The following CERKL variants were observed in gnomAD, a reference collection of about 807,000 sequenced individuals.
CERKL encodes ceramide kinase-like protein.
A neutral mutation model predicts 63.4 loss-of-function variants in CERKL; 61 were observed. The ratio of observed to expected loss-of-function variants is 0.96; its 90% CI spans 0.78 to 1.19. The LOEUF (loss-of-function observed/expected upper bound fraction) is 1.19. Among genes scored for constraint, CERKL ranks in the 50% most tolerant of loss-of-function variants. The pLI, the probability that CERKL is intolerant of heterozygous loss-of-function variation, is 0.00. For synonymous variants in CERKL, 250 were observed against 230.5 expected (o/e 1.08, Z -0.77); for missense variants, 675 against 655.5 (o/e 1.03, Z -0.33).
chr2:181,604,054 A>G lies in CERKL; in HGVS notation c.264T>C (p.Cys88=), dbSNP rs765835624. ...PAGDSKYDLL[C]KEEFIELKDI... Reference sequence around the variant, plus strand: ...CTTTGAGTTCAATAAATTCTTCTTTACATAGCAAGTCATACTTAGAATCAC... The same window carrying G: ...CTTTGAGTTCAATAAATTCTTCTTTGCATAGCAAGTCATACTTAGAATCAC... The change falls in exon 2 of 13, where the codon TGT becomes TGC. Residue 88 remains cysteine (C), a synonymous_variant. Coordinates refer to ENST00000410087, the MANE Select transcript of CERKL (RefSeq NM_201548.5). 34 of 1,603,794 alleles carry G rather than the reference A, an allele frequency of 2.1e-5. No homozygotes were observed. Among genetic ancestry groups the G allele is most frequent in the Non-Finnish European group, 2.9e-5 (34 of 1,171,616 alleles).
rs549225035 is a variant in CERKL at position 181,603,853 on chromosome 2, G to A, written c.465C>T (p.Phe155=). The A allele has an allele frequency of 1.9e-6, 3 of 1,613,160 alleles. No homozygotes were observed. In the South Asian group the frequency reaches 3.3e-5, roughly 18 times the overall value. ...AGTACTTACCTGCCAATATTTTCTT[G>A]AACTGTCTAAACCATATGTCACAGT... ...EDHCDIWFRQ[F]KKILAGFPNR... The change falls in exon 2 of 13, where the codon TTC becomes TTT. Residue 155 remains phenylalanine (F), a synonymous_variant. Transcript: ENST00000410087.
intron 1 of CERKL, among the ~76,000 whole-genome samples, chr2:181,640,826 G>A (rs1687388374): frequency 6.6e-6 from 1 of 152,124 alleles, no homozygotes; most frequent in Non-Finnish European, 1.5e-5. Context: ...AATGACCTTG[G>A]TCCAGTCTAT....
intron 3 of CERKL, among the ~76,000 whole-genome samples, chr2:181,569,797 C>A (rs1688823853): frequency 6.6e-6 from 1 of 152,090 alleles, no homozygotes; most frequent in South Asian, 2.1e-4. Flanking sequence ...TCAATGACTC[C>A]TATACAATAG....
intron 5 of CERKL, among the ~76,000 whole-genome samples, chr2:181,554,300 A>C (rs1688112808): frequency 6.6e-6 from 1 of 152,140 alleles, no homozygotes; most frequent in Non-Finnish European, 1.5e-5. Context: ...ATGTGATGTA[A>C]TGACTTCCTA....
chr2:181,628,327 C>G (rs1255125125), intron 1 of CERKL, among the ~76,000 whole-genome samples: 1 of 152,094 alleles, frequency 6.6e-6, no homozygotes, highest in Non-Finnish European at 1.5e-5. Context: ...CGTACTTTAC[C>G]TATTGGGAGA....
chr2:181,629,138 G>A (rs1254263782), intron 1 of CERKL, among the ~76,000 whole-genome samples: 1 of 151,936 alleles, frequency 6.6e-6, no homozygotes. Flanking sequence ...CAATAATCCT[G>A]AAAATTATCT....
At chr2:181,587,446 A>G (rs928288218) in intron 2 of CERKL, among the ~76,000 whole-genome samples, 1 of 152,156 alleles carries the variant, frequency 6.6e-6, no homozygotes, top group African/African-American at 2.4e-5. Flanking sequence ...ATTCAGCCAA[A>G]TGTGTCATCC....
At chr2:181,539,690 C>A (rs745609455) in intron 11 of CERKL, among the ~76,000 whole-genome samples, 4 of 152,158 alleles carry the variant, frequency 2.6e-5, no homozygotes, top group Non-Finnish European at 5.9e-5. Flanking sequence ...CAAGTCTAAA[C>A]TTCTGAAGAT....
chr2:181,563,758 T>C (rs1016611915), intron 4 of CERKL, among the ~76,000 whole-genome samples: 1 of 152,086 alleles, frequency 6.6e-6, no homozygotes, highest in Non-Finnish European at 1.5e-5. Context: ...TTGAAGTACC[T>C]GAAGAAACTA....
chr2:181,612,957 A>C (rs1023339745), intron 1 of CERKL, among the ~76,000 whole-genome samples: 2 of 152,192 alleles, frequency 1.3e-5, no homozygotes, highest in African/African-American at 4.8e-5. Flanking sequence ...AAATGATTAA[A>C]ATCAAGCTAA....
At chr2:181,626,844 C>G (rs1686727060) in intron 1 of CERKL, among the ~76,000 whole-genome samples, 2 of 152,196 alleles carry the variant, frequency 1.3e-5, no homozygotes, top group Admixed American at 6.5e-5. Context: ...TGGCTCTTGC[C>G]TTTGGATTAG....
chr2:181,619,792 T>C (rs146572116), intron 1 of CERKL, among the ~76,000 whole-genome samples: 5 of 152,274 alleles, frequency 3.3e-5, no homozygotes, highest in African/African-American at 9.6e-5. Context: ...TACTACTCAG[T>C]TGACATTTAA....
intron 8 of CERKL, 44 bp from the exon 9 acceptor site, chr2:181,547,891 G>T: frequency 8.9e-7 from 1 of 1,120,918 alleles, no homozygotes; most frequent in Non-Finnish European, 1.2e-6. Flanking sequence ...CAGATAACGC[G>T]CGCACAGACA....
Position 181,656,916 on chromosome 2 carries a change from C to T in CERKL, c.91G>A (p.Ala31Thr), listed in dbSNP as rs762685287. 80 of 1,600,930 alleles carry T rather than the reference C, an allele frequency of 5.0e-5. No individual in the cohort carries two copies. Among genetic ancestry groups the T allele is most frequent in the African/African-American group, 8.1e-5 (6 of 74,290 alleles). The change falls in exon 1 of 13, where the codon GCG becomes ACG. Residue 31 changes from alanine to threonine, a missense_variant. Transcript: ENST00000410087. The part of the protein sequence containing the change: ...APPEAAAVPP[A>T]LLTSPQQTEA... Reference sequence around the variant, plus strand: ...GTCTGCTGCGGGGACGTTAACAGCGCCGGAGGCACAGCGGCAGCCTCCGGG... The same window carrying T: ...GTCTGCTGCGGGGACGTTAACAGCGTCGGAGGCACAGCGGCAGCCTCCGGG...
chr2:181,568,083 C>A (rs566020606), intron 3 of CERKL, among the ~76,000 whole-genome samples: 1 of 152,246 alleles, frequency 6.6e-6, no homozygotes, highest in East Asian at 1.9e-4. Context: ...GGAATTTCCC[C>A]CTCCCCTCTT....
At chr2:181,555,941 T>G (rs550749178) in intron 5 of CERKL, among the ~76,000 whole-genome samples, 37 of 151,908 alleles carry the variant, frequency 2.4e-4, no homozygotes, top group Non-Finnish European at 3.4e-4. Flanking sequence ...TTAGTAGAGA[T>G]AGGGTTTCAC....
intron 5 of CERKL, among the ~76,000 whole-genome samples, chr2:181,553,382 G>A (rs1040305232): frequency 2.0e-5 from 3 of 152,088 alleles, no homozygotes; most frequent in African/African-American, 4.8e-5. Flanking sequence ...TAGGATTATC[G>A]ATGGATTACA....
intron 2 of CERKL, among the ~76,000 whole-genome samples, chr2:181,589,979 ATT>A (rs57728937): frequency 9.6e-5 from 14 of 145,206 alleles, no homozygotes; most frequent in East Asian, 4.0e-4. Context: ...CACCCAGCTA[ATT>A]TTTTTTTTTT....
At chr2:181,599,393 C>CG (rs34431119) in intron 2 of CERKL, among the ~76,000 whole-genome samples, 1 of 151,592 alleles carries the variant, frequency 6.6e-6, no homozygotes, top group African/African-American at 2.4e-5. Flanking sequence ...AAAAATTAGT[C>CG]GGGGGTGGTG....
Sources: gnomAD v4.1 joint callset for allele counts (sites outside exome capture counted in the v4.1 genomes callset) on GRCh38, gnomAD v4.1.1 for gene constraint, MANE v1.5 for transcripts, NCBI Gene and HGNC (gene_info 2026-07-23, HGNC 2026-07-21) for gene names.